The following NPIPA8 variants were observed in gnomAD, a reference collection of about 807,000 sequenced individuals.
The protein encoded by NPIPA8 is nuclear pore complex-interacting protein family member A8.
In NPIPA8, 1 loss-of-function variant was observed where a neutral mutation model predicts 7.1. The observed-to-expected ratio is 0.14, with a 90% CI of 0.05 to 0.66. NPIPA8 has a LOEUF of 0.66. Among genes scored for constraint, NPIPA8 ranks in the 30% least tolerant of loss-of-function variants. The probability of loss-of-function intolerance (pLI) is 0.84; values close to 1 mark genes in which losing one functional copy is unlikely to be tolerated.
At chr16:18,336,083 A>C (rs1033245085), upstream of NPIPA8, among the ~76,000 whole-genome samples, 2 of 150,512 alleles carry the variant, frequency 1.3e-5, no homozygotes, top group Admixed American at 6.6e-5. Flanking sequence ...CGGCCTCCCA[A>C]AGTGTTGGGA....
intron 4 of NPIPA8, among the ~76,000 whole-genome samples, chr16:18,323,342 CAAAAA>C (rs1336478438): frequency 4.9e-4 from 6 of 12,202 alleles, no homozygotes; most frequent in Non-Finnish European, 5.6e-4. Context: ...GACTCCGTCT[CAAAAA>C]AAAAAAAAAA....
At chr16:18,335,780 T>C (rs1325141918), upstream of NPIPA8, among the ~76,000 whole-genome samples, 4 of 135,958 alleles carry the variant, frequency 2.9e-5, no homozygotes, top group African/African-American at 1.2e-4. Flanking sequence ...AGAAAAATTC[T>C]ATCGTGAAGG....
chr16:18,335,996 AT>A (rs1199476819), upstream of NPIPA8, among the ~76,000 whole-genome samples: 52 of 151,750 alleles, frequency 3.4e-4, no homozygotes, highest in Non-Finnish European at 6.6e-4. Flanking sequence ...AAGTTTTTGT[AT>A]TTGTAGTAGA....
chr16:18,335,321 C>T (rs1245528955), upstream of NPIPA8, among the ~76,000 whole-genome samples: 6 of 40,260 alleles, frequency 1.5e-4, no homozygotes, highest in South Asian at 1.0e-3. Context: ...GCTCAGCCTC[C>T]TGAGTAGCTG....
At chr16:18,335,479 T>C (rs1900155128), upstream of NPIPA8, among the ~76,000 whole-genome samples, 2 of 120,640 alleles carry the variant, frequency 1.7e-5, no homozygotes, top group African/African-American at 3.7e-5. Context: ...GGATTACAGG[T>C]GTGAGCCACC....
upstream of NPIPA8, among the ~76,000 whole-genome samples, chr16:18,335,139 A>G (rs375522729): frequency 3.2e-4 from 2 of 6,308 alleles, no homozygotes; most frequent in African/African-American, 1.3e-3. Flanking sequence ...CCCTCGCGAC[A>G]TGTGCCACTG....
chr16:18,335,528 G>C (rs1462390890), upstream of NPIPA8, among the ~76,000 whole-genome samples: 2 of 113,640 alleles, frequency 1.8e-5, no homozygotes, highest in Non-Finnish European at 3.7e-5. Context: ...ACTTTAATAC[G>C]AGCAGCCACA....
chr16:18,324,012 AT>A, intron 4 of NPIPA8, 78 bp downstream of exon 6: 2 of 588,396 alleles, frequency 3.4e-6, no homozygotes, highest in African/African-American at 3.8e-5. Context: ...TGTAGAAAAT[AT>A]TCTCAAGGAC....
chr16:18,335,687 C>T (rs1415241165), upstream of NPIPA8, among the ~76,000 whole-genome samples: 5 of 115,570 alleles, frequency 4.3e-5, no homozygotes, highest in South Asian at 2.9e-4. Context: ...CTCCCGTTTC[C>T]GTATGAATGG....
chr16:18,336,075 G>T (rs1900174763), upstream of NPIPA8, among the ~76,000 whole-genome samples: 1 of 150,924 alleles, frequency 6.6e-6, no homozygotes, highest in Non-Finnish European at 1.5e-5. Context: ...GCCCGCCTCG[G>T]CCTCCCAAAG....
upstream of NPIPA8, among the ~76,000 whole-genome samples, chr16:18,335,199 A>ATT (rs1187630024): frequency 1.5e-3 from 20 of 13,754 alleles, no homozygotes; most frequent in Non-Finnish European, 7.2e-4. Context: ...TTTGAATTTC[A>ATT]TTTTTTTTTT....
chr16:18,323,948 A>G (rs1166198968), intron 4 of NPIPA8, 143 bp downstream of exon 6: 1 of 583,182 alleles, frequency 1.7e-6, no homozygotes, highest in Non-Finnish European at 3.1e-6. Flanking sequence ...GCTTAAACTA[A>G]TGAAGCAGAA....
upstream of NPIPA8, among the ~76,000 whole-genome samples, chr16:18,336,249 GC>G (rs1900179359): frequency 8.1e-6 from 1 of 123,198 alleles, no homozygotes; most frequent in Non-Finnish European, 1.7e-5. Context: ...ACCACACCCG[GC>G]CCGGCCACTG....
upstream of NPIPA8, among the ~76,000 whole-genome samples, chr16:18,336,102 G>A (rs1428001730): frequency 6.7e-3 from 985 of 146,770 alleles, 1 homozygote; most frequent in Middle Eastern, 0.011. Flanking sequence ...GATTACAGGC[G>A]TGAGCCACCG....
At chr16:18,323,350 A>G (rs1596806967) in intron 4 of NPIPA8, among the ~76,000 whole-genome samples, 1 of 16,266 alleles carries the variant, frequency 6.1e-5, no homozygotes, top group East Asian at 8.3e-4. Flanking sequence ...CTCAAAAAAA[A>G]AAAAAAAAAA....
At chr16:18,323,819 GAAAAAAAAAAAAA>G (rs1162097124) in intron 4 of NPIPA8, among the ~76,000 whole-genome samples, 48 of 33,138 alleles carry the variant, frequency 1.4e-3, no homozygotes, top group Non-Finnish European at 2.7e-3. Flanking sequence ...CCCATCTCAG[GAAAAAAAAAAAAA>G]AAAAAAAAAA....
upstream of NPIPA8, among the ~76,000 whole-genome samples, chr16:18,335,301 G>A (rs1372656484): frequency 1.8e-4 from 7 of 39,184 alleles, no homozygotes; most frequent in East Asian, 1.6e-3. Flanking sequence ...GCGTTCAGGC[G>A]ATTGTCCTGG....
chr16:18,335,981 C>A (rs1900171724), upstream of NPIPA8, among the ~76,000 whole-genome samples: 1 of 151,540 alleles, frequency 6.6e-6, no homozygotes. Context: ...CCACCATGCC[C>A]AGCTAAGTTT....
intron 2 of NPIPA8, among the ~76,000 whole-genome samples, chr16:18,325,361 G>A (rs867207974): frequency 3.8e-4 from 2 of 5,246 alleles, no homozygotes; most frequent in Non-Finnish European, 7.8e-4. Flanking sequence ...CTTGAACCCA[G>A]GAGGCAGAGG....
Sources: allele counts gnomAD v4.1 joint callset (sites outside exome capture counted in the v4.1 genomes callset), GRCh38; gene constraint gnomAD v4.1.1; transcripts MANE v1.5; gene names NCBI Gene and HGNC (gene_info 2026-07-23, HGNC 2026-07-21).